The following ANO2 variants were observed in gnomAD, a reference collection of about 807,000 sequenced individuals.
ANO2 encodes anoctamin 2, also known as anoctamin-2.
In ANO2, 101 loss-of-function variants were observed where a neutral mutation model predicts 124.2. The ratio of observed to expected loss-of-function variants is 0.81; its 90% CI spans 0.69 to 0.96. The LOEUF is 0.96. Among genes scored for constraint, ANO2 ranks in the 40% least tolerant of loss-of-function variants. ANO2 has a pLI of 0.00. For missense variants in ANO2, 1,293 were observed against 1,274.5 expected (o/e 1.01, Z -0.22); for synonymous variants, 486 against 482.5 (o/e 1.01, Z -0.09).
chr12:5,889,068 C>T (rs922676312), intron 3 of ANO2, among the ~76,000 whole-genome samples: 6 of 152,228 alleles, frequency 3.9e-5, no homozygotes, highest in East Asian at 1.9e-4. Flanking sequence ...CACGAGAAGT[C>T]GAGCACAGCA....
intron 15 of ANO2, among the ~76,000 whole-genome samples, chr12:5,643,669 A>G (rs979267403): frequency 2.6e-5 from 4 of 152,180 alleles, no homozygotes; most frequent in African/African-American, 4.8e-5. Context: ...TATACTCCCT[A>G]TAGTAGAGTT....
At chr12:5,675,447 G>A (rs1565553555) in intron 14 of ANO2, among the ~76,000 whole-genome samples, 1 of 152,176 alleles carries the variant, frequency 6.6e-6, no homozygotes, top group East Asian at 1.9e-4. Context: ...CTCTTAAGAA[G>A]CACTTTCTGG....
chr12:5,921,446 G>T, intron 2 of ANO2, 80 bp from the exon 3 acceptor site: 1 of 1,411,266 alleles, frequency 7.1e-7, no homozygotes, highest in East Asian at 2.4e-5. Flanking sequence ...CTATGCTCTG[G>T]GCTCAGGGAA....
intron 9 of ANO2, among the ~76,000 whole-genome samples, chr12:5,803,434 C>T (rs1953103938): frequency 2.0e-5 from 3 of 152,178 alleles, no homozygotes; most frequent in Admixed American, 2.0e-4. Context: ...AAGACACCCA[C>T]CTGCAAAGGC....
At chr12:5,814,839 C>A (rs1397057740) in intron 7 of ANO2, among the ~76,000 whole-genome samples, 2 of 152,210 alleles carry the variant, frequency 1.3e-5, no homozygotes, top group Non-Finnish European at 2.9e-5. Flanking sequence ...AAAGCAATGA[C>A]AAAGAGTCAA....
intron 4 of ANO2, among the ~76,000 whole-genome samples, chr12:5,842,225 C>T (rs1368732477): frequency 6.6e-6 from 1 of 152,150 alleles, no homozygotes; most frequent in African/African-American, 2.4e-5. Context: ...GAATCCTCCC[C>T]ACACCAGTGG....
intron 1 of ANO2, among the ~76,000 whole-genome samples, 168 bp downstream of exon 1, chr12:5,945,028 C>T (rs1294859075): frequency 6.6e-6 from 1 of 152,168 alleles, no homozygotes. Context: ...ATAGACGTCC[C>T]TCAGAGTCCC....
intron 7 of ANO2, among the ~76,000 whole-genome samples, chr12:5,821,536 T>C (rs1953798340): frequency 6.6e-6 from 1 of 152,244 alleles, no homozygotes; most frequent in African/African-American, 2.4e-5. Context: ...CCAATGGTGC[T>C]TGAGGTGTCA....
intron 1 of ANO2, among the ~76,000 whole-genome samples, chr12:5,936,850 C>CTCTA (rs1942673645): frequency 6.6e-6 from 1 of 152,176 alleles, no homozygotes; most frequent in Non-Finnish European, 1.5e-5. Flanking sequence ...GTACATGACT[C>CTCTA]TCTAGTTGAA....
Position 5,921,246 on chromosome 12 carries a change from G to T in ANO2, c.328C>A (p.Arg110Ser), listed in dbSNP as rs201886102. The change falls in exon 3 of 25, where the codon CGC becomes AGC. Residue 110 changes from arginine to serine, a missense_variant. Physicochemically the swap from Arg to Ser is moderately radical, Grantham distance 110. Coordinates refer to ENST00000682330, the MANE Select transcript of ANO2 (RefSeq NM_001364791.2). Reference protein sequence around the residue: ...DYVLAYHYRKRGVHLAQGFPG... With the variant: ...DYVLAYHYRKSGVHLAQGFPG... ...AAGCCTTGGGCCAGGTGCACCCCGC[G>T]TTTCCGGTAGTGGTAGGCAAGTACA... is the stretch of plus-strand genomic sequence containing the variant. 5.6e-6 allele frequency: 9 copies of T among 1,613,964 alleles called. No individual in the cohort carries two copies. In the Admixed American group the frequency reaches 1.5e-4, roughly 27 times the overall value.
At chr12:5,599,853 T>C (rs1198335979) in intron 19 of ANO2, among the ~76,000 whole-genome samples, 2 of 152,174 alleles carry the variant, frequency 1.3e-5, no homozygotes, top group Non-Finnish European at 2.9e-5. Flanking sequence ...GGATGAGGTT[T>C]CTTCAAACCC....
chr12:5,688,060 C>T (rs187324226), intron 14 of ANO2, among the ~76,000 whole-genome samples: 69 of 152,332 alleles, frequency 4.5e-4, no homozygotes, highest in Admixed American at 3.3e-3. Context: ...CATCACCCCA[C>T]GCTCTCTTCT....
chr12:5,583,861 TG>T, intron 20 of ANO2: 1 of 192,990 alleles, frequency 5.2e-6, no homozygotes. Context: ...AATATCATCA[TG>T]GTGAACAAAG....
intron 14 of ANO2, among the ~76,000 whole-genome samples, chr12:5,722,461 C>T (rs547283003): frequency 4.6e-5 from 7 of 152,210 alleles, no homozygotes; most frequent in South Asian, 4.1e-4. Context: ...GAGCTGAGAT[C>T]GCGCCACTGC....
chr12:5,669,853 TACTC>T (rs1047366011), intron 14 of ANO2, among the ~76,000 whole-genome samples: 1 of 152,238 alleles, frequency 6.6e-6, no homozygotes, highest in African/African-American at 2.4e-5. Context: ...GAAGTGATCT[TACTC>T]ACCTTTCACT....
At chr12:5,879,593 G>A (rs1340150269) in intron 3 of ANO2, among the ~76,000 whole-genome samples, 2 of 152,200 alleles carry the variant, frequency 1.3e-5, no homozygotes, top group East Asian at 1.9e-4. Flanking sequence ...CAATACAAGT[G>A]GGGAAGAGGA....
At chr12:5,704,697 A>ATGTGTG (rs3067798) in intron 14 of ANO2, among the ~76,000 whole-genome samples, 26,195 of 148,670 alleles carry the variant, frequency 0.18, 2,487 homozygotes, top group Middle Eastern at 0.26. Context: ...TGGTGTGTGT[A>ATGTGTG]TGTGTGTGTG....
chr12:5,779,795 A>C (rs1565663046), intron 10 of ANO2, among the ~76,000 whole-genome samples: 1 of 152,252 alleles, frequency 6.6e-6, no homozygotes, highest in Non-Finnish European at 1.5e-5. Flanking sequence ...AACATCAGAC[A>C]AAGCCAAATT....
At chr12:5,944,338 T>C (rs1048102554) in intron 1 of ANO2, among the ~76,000 whole-genome samples, 1 of 152,242 alleles carries the variant, frequency 6.6e-6, no homozygotes, top group Admixed American at 6.5e-5. Context: ...TGGGACCTTC[T>C]GTCCCAGACG....
Sources: gnomAD v4.1 joint callset for allele counts (sites outside exome capture counted in the v4.1 genomes callset) on GRCh38, gnomAD v4.1.1 for gene constraint, MANE v1.5 for transcripts, NCBI Gene and HGNC (gene_info 2026-07-23, HGNC 2026-07-21) for gene names.